Variants in TENM2 observed in about 807,000 individuals in gnomAD.
TENM2 encodes teneurin-2.
TENM2 carries 52 observed loss-of-function variants against 245.2 expected under a neutral mutation model. That is an observed-to-expected ratio of 0.21 (90% CI 0.17 to 0.27). The LOEUF is 0.27. Ranked by LOEUF, TENM2 falls within the 10% of genes least tolerant of loss-of-function variation. The pLI is 1.00. For missense variants in TENM2, 3,046 were observed against 3,666.8 expected (o/e 0.83, Z 4.37); for synonymous variants, 1,363 against 1,438.9 (o/e 0.95, Z 1.19).
chr5:167,094,289 A>G, the TENM2 span, among the ~76,000 whole-genome samples: 1 of 152,130 alleles, frequency 6.6e-6, no homozygotes, highest in Non-Finnish European at 1.5e-5. Flanking sequence ...AATAAATTCC[A>G]TCACCTCAAA....
chr5:167,363,469 C>T (rs1232265872), intron 1 of TENM2, among the ~76,000 whole-genome samples: 9 of 152,018 alleles, frequency 5.9e-5, no homozygotes, highest in African/African-American at 7.2e-5. Flanking sequence ...CGGTGGCTCA[C>T]GCCTGTAATT....
At chr5:167,612,588 A>C (rs1221233797) in intron 2 of TENM2, among the ~76,000 whole-genome samples, 3 of 152,156 alleles carry the variant, frequency 2.0e-5, no homozygotes, top group African/African-American at 7.2e-5. Context: ...GTAAATGTCA[A>C]ATTGAGATTT....
intron 2 of TENM2, among the ~76,000 whole-genome samples, chr5:167,813,570 C>T (rs183307809): frequency 2.1e-4 from 32 of 152,156 alleles, no homozygotes; most frequent in Admixed American, 1.6e-3. Context: ...CTCTCTATTC[C>T]GCATACCATG....
At chr5:167,943,372 G>A (rs980795853) in intron 3 of TENM2, among the ~76,000 whole-genome samples, 4 of 151,860 alleles carry the variant, frequency 2.6e-5, no homozygotes, top group Admixed American at 6.6e-5. Context: ...TCTATGTTTG[G>A]GGGAAAGCAC....
At chr5:168,237,984 A>AAT (rs925786554) in intron 25 of TENM2, among the ~76,000 whole-genome samples, 6 of 151,234 alleles carry the variant, frequency 4.0e-5, no homozygotes, top group African/African-American at 7.3e-5. Context: ...CTACTAAAAA[A>AAT]ATACAAAAAA....
the TENM2 span, among the ~76,000 whole-genome samples, chr5:167,239,919 C>T: frequency 6.6e-5 from 10 of 152,116 alleles, no homozygotes; most frequent in African/African-American, 1.9e-4. Flanking sequence ...ATGACAGGCA[C>T]GCGCCACCAT....
intron 1 of TENM2, among the ~76,000 whole-genome samples, chr5:167,364,624 C>T (rs1023165894): frequency 1.3e-4 from 20 of 151,944 alleles, no homozygotes; most frequent in Admixed American, 5.2e-4. Context: ...ATGAGTCACA[C>T]GTTTATTGCT....
At chr5:167,676,405 G>T (rs1454890053) in intron 2 of TENM2, among the ~76,000 whole-genome samples, 2 of 152,078 alleles carry the variant, frequency 1.3e-5, no homozygotes, top group Non-Finnish European at 2.9e-5. Flanking sequence ...GGAACATACA[G>T]TCTGGGTGAA....
At chr5:167,667,376 C>T (rs1202536338) in intron 2 of TENM2, among the ~76,000 whole-genome samples, 1 of 152,154 alleles carries the variant, frequency 6.6e-6, no homozygotes, top group Non-Finnish European at 1.5e-5. Context: ...GGAGAATCTA[C>T]CTCCAGCATC....
chr5:167,731,200 G>GTTTTTTT (rs11398245), intron 2 of TENM2, among the ~76,000 whole-genome samples: 2 of 142,600 alleles, frequency 1.4e-5, no homozygotes, highest in Non-Finnish European at 1.5e-5. Flanking sequence ...CCTCCAGACA[G>GTTTTTTT]TTTTTTTTTT....
intron 9 of TENM2, among the ~76,000 whole-genome samples, chr5:168,113,468 T>G (rs963383473): frequency 2.0e-5 from 3 of 152,152 alleles, no homozygotes; most frequent in African/African-American, 4.8e-5. Flanking sequence ...TCCCTCTGCT[T>G]TTATGACTGA....
At chr5:167,799,635 A>C (rs1765563780) in intron 2 of TENM2, among the ~76,000 whole-genome samples, 1 of 152,198 alleles carries the variant, frequency 6.6e-6, no homozygotes, top group South Asian at 2.1e-4. Context: ...CTCTGACTAA[A>C]CCTGTGAACT....
chr5:167,516,038 A>C (rs989177146), intron 2 of TENM2, among the ~76,000 whole-genome samples: 1 of 152,046 alleles, frequency 6.6e-6, no homozygotes, highest in African/African-American at 2.4e-5. Context: ...ATTTCTTTTG[A>C]CAGTGATTGC....
chr5:167,813,805 A>G (rs1170890267), intron 2 of TENM2, among the ~76,000 whole-genome samples: 1 of 152,154 alleles, frequency 6.6e-6, no homozygotes, highest in Non-Finnish European at 1.5e-5. Flanking sequence ...TAAATTGAGA[A>G]GGTGATGAAT....
the TENM2 span, among the ~76,000 whole-genome samples, chr5:167,023,823 C>G: frequency 6.6e-6 from 1 of 152,132 alleles, no homozygotes; most frequent in Non-Finnish European, 1.5e-5. Context: ...GTCTATAAGT[C>G]TAGATTCAGC....
At chr5:167,616,709 T>C (rs1474387712) in intron 2 of TENM2, among the ~76,000 whole-genome samples, 1 of 152,048 alleles carries the variant, frequency 6.6e-6, no homozygotes, top group African/African-American at 2.4e-5. Context: ...TGCTTTTGGC[T>C]GTGATGAATG....
chr5:167,100,048 T>C, the TENM2 span, among the ~76,000 whole-genome samples: 3 of 152,312 alleles, frequency 2.0e-5, no homozygotes, highest in East Asian at 5.8e-4. Flanking sequence ...GCCTTGACCT[T>C]CCACCTGTAG....
chr5:167,694,214 A>T (rs1757616893), intron 2 of TENM2, among the ~76,000 whole-genome samples: 2 of 152,116 alleles, frequency 1.3e-5, no homozygotes, highest in South Asian at 2.1e-4. Context: ...GTGGCTATCA[A>T]CTTACAAGGT....
the TENM2 span, among the ~76,000 whole-genome samples, chr5:166,981,734 G>A: frequency 5.3e-5 from 8 of 152,244 alleles, no homozygotes; most frequent in East Asian, 5.8e-4. Context: ...CTATGAGTAC[G>A]TTGATTTAAA....
Sources: gnomAD v4.1 joint callset for allele counts (sites outside exome capture counted in the v4.1 genomes callset) on GRCh38, gnomAD v4.1.1 for gene constraint, MANE v1.5 for transcripts, NCBI Gene and HGNC (gene_info 2026-07-23, HGNC 2026-07-21) for gene names.